Variants in DAB1 observed in about 807,000 individuals in gnomAD.
The protein encoded by DAB1 is disabled homolog 1.
A neutral mutation model predicts 64.6 loss-of-function variants in DAB1; 15 were observed. That is an observed-to-expected ratio of 0.23 (90% confidence interval 0.16 to 0.36). The LOEUF (loss-of-function observed/expected upper bound fraction) is 0.36. DAB1 is among the 10% of genes least tolerant of loss of function. The pLI, the probability that DAB1 is intolerant of heterozygous loss-of-function variation, is 1.00. For missense variants in DAB1, 596 were observed against 706.7 expected (o/e 0.84, Z 1.78); for synonymous variants, 235 against 251.9 (o/e 0.93, Z 0.64).
intron 5 of DAB1, among the ~76,000 whole-genome samples, chr1:58,005,430 A>C (rs1646567313): frequency 6.6e-6 from 1 of 152,100 alleles, no homozygotes; most frequent in Non-Finnish European, 1.5e-5. Context: ...CCTTTACAGC[A>C]CTGAGAGCCT....
chr1:58,364,449 T>C (rs111801620), intron 3 of DAB1, among the ~76,000 whole-genome samples: 2,148 of 152,296 alleles, frequency 0.014, 50 homozygotes, highest in African/African-American at 0.049. Context: ...TGTGTTTTCA[T>C]AGTCCGAATC....
intron 4 of DAB1, among the ~76,000 whole-genome samples, chr1:58,298,660 T>A (rs4912320): frequency 0.94 from 143,034 of 152,302 alleles, 67,202 homozygotes; most frequent in East Asian, 0.98. Context: ...TTAGAAAGAG[T>A]GGGAAGAGTC....
chr1:57,368,760 A>G (rs1036974524), intron 1 of DAB1, among the ~76,000 whole-genome samples: 3 of 152,138 alleles, frequency 2.0e-5, no homozygotes, highest in Non-Finnish European at 4.4e-5. Context: ...CTTCCTAGAC[A>G]CAGGACAAGA....
At chr1:57,803,887 T>C (rs1289254394) in intron 6 of DAB1, among the ~76,000 whole-genome samples, 1 of 152,214 alleles carries the variant, frequency 6.6e-6, no homozygotes, top group East Asian at 1.9e-4. Context: ...TTATAACTCA[T>C]CAATTTAATT....
chr1:57,346,174 T>C (rs1020230047), intron 1 of DAB1, among the ~76,000 whole-genome samples: 3 of 152,198 alleles, frequency 2.0e-5, no homozygotes, highest in African/African-American at 7.2e-5. Flanking sequence ...CTCAGCTTCA[T>C]TGTAATCAGC....
chr1:57,642,861 T>G (rs775539942), intron 7 of DAB1, among the ~76,000 whole-genome samples: 1 of 152,236 alleles, frequency 6.6e-6, no homozygotes, highest in East Asian at 1.9e-4. Flanking sequence ...TGCTAATATC[T>G]CTAGACTTTC....
At chr1:57,559,408 C>A (rs1426476613) in intron 7 of DAB1, among the ~76,000 whole-genome samples, 1 of 152,146 alleles carries the variant, frequency 6.6e-6, no homozygotes. Context: ...ATGCTACTGA[C>A]AATTTATGCA....
chr1:57,666,392 G>C (rs779715502), intron 6 of DAB1, among the ~76,000 whole-genome samples: 1 of 152,138 alleles, frequency 6.6e-6, no homozygotes, highest in South Asian at 2.1e-4. Flanking sequence ...CCAAATGGAT[G>C]GGGCCAACAG....
chr1:57,927,637 C>T (rs1479732986), intron 5 of DAB1, among the ~76,000 whole-genome samples: 3 of 152,318 alleles, frequency 2.0e-5, no homozygotes, highest in Non-Finnish European at 4.4e-5. Flanking sequence ...CACTAAATCA[C>T]GTTGCATTCT....
chr1:57,605,560 A>T (rs1158956365), intron 7 of DAB1, among the ~76,000 whole-genome samples: 1 of 152,160 alleles, frequency 6.6e-6, no homozygotes, highest in African/African-American at 2.4e-5. Flanking sequence ...CTTTACTGAC[A>T]CATTTTCTTT....
intron 7 of DAB1, among the ~76,000 whole-genome samples, chr1:57,510,872 G>A (rs1173361985): frequency 2.0e-5 from 3 of 152,184 alleles, no homozygotes; most frequent in Middle Eastern, 3.4e-3. Context: ...TCGAACTCCC[G>A]AACTCAAGCA....
intron 7 of DAB1, among the ~76,000 whole-genome samples, chr1:57,616,573 T>C (rs542714063): frequency 4.1e-4 from 62 of 152,234 alleles, no homozygotes; most frequent in Non-Finnish European, 5.6e-4. Context: ...TGTAGGTACT[T>C]ATAGGAGATC....
At chr1:57,619,027 A>T (rs1645823334) in intron 7 of DAB1, among the ~76,000 whole-genome samples, 1 of 152,232 alleles carries the variant, frequency 6.6e-6, no homozygotes, top group Admixed American at 6.5e-5. Flanking sequence ...CCTTTGTAAA[A>T]CACAGAGTAT....
chr1:58,052,473 T>C (rs1177905418), intron 5 of DAB1, among the ~76,000 whole-genome samples: 1 of 152,232 alleles, frequency 6.6e-6, no homozygotes, highest in African/African-American at 2.4e-5. Context: ...TGAAGTCAGG[T>C]AGCGTGATGC....
chr1:57,628,635 G>A (rs1177090321), intron 7 of DAB1, among the ~76,000 whole-genome samples: 1 of 151,920 alleles, frequency 6.6e-6, no homozygotes, highest in African/African-American at 2.4e-5. Context: ...GGTCATATAC[G>A]ACCCTATTTG....
chr1:57,023,646 G>C lies in DAB1; in HGVS notation c.787-7C>G. ...CACCTGGAGTTGCAGGAGTCTGCCA[G>C]ACAGAGAGAGGCAGAGGACACATGA... is the stretch of plus-strand genomic sequence containing the variant. On this transcript the variant is annotated splice_region_variant and splice_polypyrimidine_tract_variant and intron_variant, in intron 10 of 14. Transcript: ENST00000371236. The C allele has an allele frequency of 6.4e-7, 1 of 1,573,710 alleles. No individual in the cohort carries two copies. The highest frequency in any genetic ancestry group is 1.1e-5 in the South Asian group (1 of 88,420).
chr1:58,034,284 G>C (rs761005087), intron 5 of DAB1, among the ~76,000 whole-genome samples: 7 of 152,166 alleles, frequency 4.6e-5, no homozygotes, highest in Non-Finnish European at 1.0e-4. Context: ...CAGAGGAACC[G>C]AGCCCTCAGT....
chr1:57,167,358 G>A (rs2100908997), intron 2 of DAB1, among the ~76,000 whole-genome samples: 1 of 152,184 alleles, frequency 6.6e-6, no homozygotes, highest in South Asian at 2.1e-4. Context: ...GCATGCAACT[G>A]GACACTTTAC....
intron 3 of DAB1, among the ~76,000 whole-genome samples, chr1:58,376,390 A>G (rs55972904): frequency 0.061 from 7,277 of 118,350 alleles, 210 homozygotes; most frequent in Middle Eastern, 0.14. Flanking sequence ...CTTTGTTCTC[A>G]TTGGTTTCAA....
Sources: gnomAD v4.1 joint callset for allele counts (sites outside exome capture counted in the v4.1 genomes callset) on GRCh38, gnomAD v4.1.1 for gene constraint, MANE v1.5 for transcripts, NCBI Gene and HGNC (gene_info 2026-07-23, HGNC 2026-07-21) for gene names.